The following GCLM variants were observed in gnomAD, a reference collection of about 807,000 sequenced individuals.
GCLM encodes glutamate-cysteine ligase modifier subunit, also known as glutamate--cysteine ligase regulatory subunit.
A neutral mutation model predicts 36.0 loss-of-function variants in GCLM; 15 were observed. The observed-to-expected ratio is 0.42, with a 90% confidence interval of 0.28 to 0.64. The LOEUF is 0.64. Ranked by LOEUF, GCLM falls within the 30% of genes least tolerant of loss-of-function variation. The pLI, the probability that GCLM is intolerant of heterozygous loss-of-function variation, is 0.25. For synonymous variants in GCLM, 129 were observed against 122.8 expected (o/e 1.05, Z -0.34); for missense variants, 242 against 325.5 (o/e 0.74, Z 1.97).
At chr1:93,902,379 C>G (rs907336643) in intron 2 of GCLM, among the ~76,000 whole-genome samples, 1 of 151,610 alleles carries the variant, frequency 6.6e-6, no homozygotes, top group Non-Finnish European at 1.5e-5. Context: ...AGGGTTTCAC[C>G]GTGTTAGCCA....
rs532494351 is a variant in GCLM, at chr1:93,908,109, G to A, written c.126+929C>T. ...CTCACAACAACCTGATGAGGAAGGT[G>A]TTATTATCCAACTTTAAAGTAATTT... On this transcript the variant is annotated intron_variant, in intron 1 of 6. Coordinates refer to ENST00000370238, the MANE Select transcript of GCLM (RefSeq NM_002061.4). 3.3e-5 allele frequency among the ~76,000 whole-genome samples: 5 copies of A among 152,274 alleles called. No homozygotes were observed. In the South Asian group the frequency reaches 1.0e-3, roughly 32 times the overall value.
chr1:93,904,999 C>T (rs1657092701), intron 1 of GCLM, among the ~76,000 whole-genome samples: 1 of 151,876 alleles, frequency 6.6e-6, no homozygotes, highest in South Asian at 2.1e-4. Context: ...CATGGTGAAA[C>T]CCTGTCTCTA....
chr1:93,889,773 A>G (rs1656464759), intron 6 of GCLM, among the ~76,000 whole-genome samples: 1 of 151,680 alleles, frequency 6.6e-6, no homozygotes, highest in Non-Finnish European at 1.5e-5. Context: ...ATCATTTTTA[A>G]TAATTTCCCC....
At chr1:93,903,402 C>G (rs905707460) in intron 2 of GCLM, among the ~76,000 whole-genome samples, 1 of 151,710 alleles carries the variant, frequency 6.6e-6, no homozygotes, top group Non-Finnish European at 1.5e-5. Context: ...CCTCTGCCTC[C>G]CAGGTTCAAG....
At chr1:93,895,046 GCT>G (rs1656679451) in intron 5 of GCLM, among the ~76,000 whole-genome samples, 2 of 129,686 alleles carry the variant, frequency 1.5e-5, no homozygotes, top group Admixed American at 1.8e-4. Flanking sequence ...ATGGAGTCTT[GCT>G]CTGTCGCCCA....
At chr1:93,906,630 T>C (rs1002107367) in intron 1 of GCLM, among the ~76,000 whole-genome samples, 3 of 152,226 alleles carry the variant, frequency 2.0e-5, no homozygotes, top group African/African-American at 7.2e-5. Flanking sequence ...TCATTGACTT[T>C]ATCACAAGCC....
Position 93,909,286 on chromosome 1 carries a change from C to T in GCLM, c.-123G>A. 9.5e-7 allele frequency: 1 copy of T among 1,050,552 alleles called. No individual in the cohort carries two copies. Among genetic ancestry groups the T allele is most frequent in the Non-Finnish European group, 1.1e-6 (1 of 873,774 alleles). The allele number at this position is 1,050,552 out of a possible 1,614,324, so 65.1% of individuals were successfully genotyped here. The stretch of plus-strand genomic sequence containing the variant: ...GACCCGAGAGGGAGCGCGAGGCTGC[C>T]GGCGCCGCGCGGCTGGAGCCTGGTC... On this transcript the variant is annotated 5_prime_UTR_variant, in exon 1 of 7. Transcript: ENST00000370238.
At chr1:93,895,617 TATC>T (rs1656698151) in intron 5 of GCLM, among the ~76,000 whole-genome samples, 2 of 152,184 alleles carry the variant, frequency 1.3e-5, no homozygotes, top group East Asian at 1.9e-4. Flanking sequence ...TCATTCTGGC[TATC>T]ATCAAGGAGA....
intron 5 of GCLM, among the ~76,000 whole-genome samples, chr1:93,895,966 T>TC (rs1336911170): frequency 4.3e-4 from 45 of 105,852 alleles, no homozygotes; most frequent in African/African-American, 2.0e-3. Flanking sequence ...TTTCTTTCTT[T>TC]TTTTTTTTTT....
At chr1:93,889,922 T>TA (rs1254708100) in intron 6 of GCLM, among the ~76,000 whole-genome samples, 20 of 149,650 alleles carry the variant, frequency 1.3e-4, no homozygotes, top group South Asian at 6.3e-4. Context: ...ATATATATAT[T>TA]TTTTTTTGAG....
At chr1:93,902,850 C>T (rs1340534576) in intron 2 of GCLM, among the ~76,000 whole-genome samples, 1 of 99,514 alleles carries the variant, frequency 1.0e-5, no homozygotes, top group African/African-American at 4.6e-5. Flanking sequence ...CTGGCAACAA[C>T]TGATCTTTTT....
chr1:93,894,763 A>C (rs758716981), intron 5 of GCLM, 35 bp from the exon 6 acceptor site: 1 of 937,974 alleles, frequency 1.1e-6, no homozygotes, highest in Admixed American at 1.8e-5. Context: ...TATCACTACT[A>C]AATTAAATAT....
intron 6 of GCLM, among the ~76,000 whole-genome samples, chr1:93,890,206 G>A (rs1480655165): frequency 1.3e-5 from 2 of 151,904 alleles, no homozygotes; most frequent in Admixed American, 6.6e-5. Flanking sequence ...CACCGTGCCC[G>A]GCCTCGAAAA....
intron 1 of GCLM, 146 bp downstream of exon 1, chr1:93,908,892 C>T (rs1399877992): frequency 1.0e-5 from 6 of 595,760 alleles, no homozygotes; most frequent in South Asian, 3.7e-5. Context: ...CGACACTGGC[C>T]TCAGCATCTG....
chr1:93,906,131 G>A (rs1445452188), intron 1 of GCLM, among the ~76,000 whole-genome samples: 1 of 152,072 alleles, frequency 6.6e-6, no homozygotes, highest in Non-Finnish European at 1.5e-5. Flanking sequence ...GAGATAACTG[G>A]TTTATCAATT....
chr1:93,887,197 G>T lies in GCLM; in HGVS notation c.*1793C>A, dbSNP rs1199041613. The T allele has an allele frequency of 2.6e-5, 4 of 152,008 alleles. No individual in the cohort carries two copies. The highest frequency in any genetic ancestry group is 4.8e-5 in the African/African-American group (2 of 41,380). 9.4% of individuals were successfully genotyped at this position (152,008 alleles called of 1,614,324 possible). ...TTTAGCAGATACAGGGTTTCACCAT[G>T]TTAGCCAGGCTGGTCTAGAACTCCT... On this transcript the variant is annotated 3_prime_UTR_variant, in exon 7 of 7. Transcript: ENST00000370238.
At chr1:93,894,829 A>T in intron 5 of GCLM, 101 bp from the exon 6 acceptor site, 1 of 635,462 alleles carries the variant, frequency 1.6e-6, no homozygotes, top group South Asian at 1.9e-5. Flanking sequence ...AGAACATATG[A>T]AAAATCACAA....
At chr1:93,897,354 G>T (rs1183041394) in intron 4 of GCLM, among the ~76,000 whole-genome samples, 1 of 152,006 alleles carries the variant, frequency 6.6e-6, no homozygotes, top group Admixed American at 6.6e-5. Context: ...TAATTTAAGA[G>T]CTTATTTTAA....
chr1:93,905,535 T>C (rs1205292989), intron 1 of GCLM, among the ~76,000 whole-genome samples: 1 of 152,208 alleles, frequency 6.6e-6, no homozygotes, highest in Non-Finnish European at 1.5e-5. Context: ...TCAACTTGTA[T>C]GACACTCCAG....
Sources: gnomAD v4.1 joint callset for allele counts (sites outside exome capture counted in the v4.1 genomes callset) on GRCh38, gnomAD v4.1.1 for gene constraint, MANE v1.5 for transcripts, NCBI Gene and HGNC (gene_info 2026-07-23, HGNC 2026-07-21) for gene names.